The following VASP variants were observed in gnomAD, a reference collection of about 807,000 sequenced individuals.
VASP encodes the protein vasodilator-stimulated phosphoprotein.
VASP carries 27 observed loss-of-function variants against 54.4 expected under a neutral mutation model. That is an observed-to-expected ratio of 0.50 (90% confidence interval 0.37 to 0.68). VASP has a LOEUF of 0.68. VASP is among the 30% of genes least tolerant of loss of function. The probability of loss-of-function intolerance (pLI) is 0.00; values close to 1 mark genes in which losing one functional copy is unlikely to be tolerated. For synonymous variants in VASP, 233 were observed against 209.8 expected (o/e 1.11, Z -0.96); for missense variants, 488 against 528.3 (o/e 0.92, Z 0.75).
chr19:45,515,866 A>G (rs1228047512), intron 1 of VASP, among the ~76,000 whole-genome samples: 1 of 152,014 alleles, frequency 6.6e-6, no homozygotes, highest in African/African-American at 2.4e-5. Context: ...GCCCAGATTC[A>G]TGTGCCCCTC....
chr19:45,524,716 G>C, intron 11 of VASP, 56 bp downstream of exon 11: 1 of 1,527,822 alleles, frequency 6.5e-7, no homozygotes, highest in Non-Finnish European at 9.0e-7. Flanking sequence ...TCTGGCCCCT[G>C]CCACTGGCAT....
At chr19:45,521,023 G>C (rs1968818932) in intron 3 of VASP, among the ~76,000 whole-genome samples, 1 of 152,210 alleles carries the variant, frequency 6.6e-6, no homozygotes, top group African/African-American at 2.4e-5. Context: ...TTCAAGTCTT[G>C]TTCCTGCACA....
chr19:45,510,540 G>A (rs760491347), intron 1 of VASP, among the ~76,000 whole-genome samples: 1 of 151,986 alleles, frequency 6.6e-6, no homozygotes, highest in African/African-American at 2.4e-5. Flanking sequence ...ATGGCAGTTC[G>A]AACAATGATA....
chr19:45,520,456 C>T (rs1310415438), intron 3 of VASP, among the ~76,000 whole-genome samples: 1 of 152,224 alleles, frequency 6.6e-6, no homozygotes, highest in African/African-American at 2.4e-5. Flanking sequence ...GGGACAACTT[C>T]TGTGCTAGTG....
chr19:45,522,902 GT>G, intron 7 of VASP, 84 bp downstream of exon 7: 3 of 1,371,968 alleles, frequency 2.2e-6, no homozygotes, highest in African/African-American at 1.5e-5. Context: ...TTCCTGTTTA[GT>G]TTGTTTCTTT....
chr19:45,517,592 C>T, intron 1 of VASP, 71 bp from the exon 2 acceptor site: 2 of 1,551,540 alleles, frequency 1.3e-6, no homozygotes, highest in South Asian at 1.2e-5. Flanking sequence ...TGTCTTTGTC[C>T]CTTGGAATCT....
At position 45,524,929 on chromosome 19, in the gene VASP, T is replaced by TG. The variant is rs1278474747; in HGVS notation, c.1047+271dup. 10 of 361,560 alleles carry TG rather than the reference T, an allele frequency of 2.8e-5. No homozygotes were observed. The East Asian group carries it at 5.9e-4, about 21-fold the overall frequency. 22.4% of individuals were successfully genotyped at this position (361,560 alleles called of 1,614,324 possible). Reference sequence around the variant, plus strand: ...ATTGACCCAGCTGTCCATCACCAATTGGAGTTGGCAGGAGGCTGGAATGCG... The same window carrying TG: ...ATTGACCCAGCTGTCCATCACCAATTGGGAGTTGGCAGGAGGCTGGAATGCG... On this transcript the variant is annotated intron_variant, in intron 11 of 12. Coordinates refer to ENST00000245932, the MANE Select transcript of VASP (RefSeq NM_003370.4).
At chr19:45,512,268 C>T (rs1034515611) in intron 1 of VASP, among the ~76,000 whole-genome samples, 4 of 151,488 alleles carry the variant, frequency 2.6e-5, no homozygotes, top group Non-Finnish European at 2.9e-5. Context: ...ACTCTGAGTG[C>T]AGATATATTT....
At chr19:45,525,448 C>T (rs139843387) in intron 11 of VASP, among the ~76,000 whole-genome samples, 5 of 152,210 alleles carry the variant, frequency 3.3e-5, no homozygotes, top group African/African-American at 1.2e-4. Context: ...GCCATAATCC[C>T]AGCAGTTTGG....
chr19:45,518,454 C>T (rs1431381175), intron 3 of VASP, among the ~76,000 whole-genome samples: 3 of 151,982 alleles, frequency 2.0e-5, no homozygotes, highest in South Asian at 2.1e-4. Context: ...CCCAGCTATT[C>T]GGGATGCTGA....
At chr19:45,512,801 A>G (rs747012550) in intron 1 of VASP, among the ~76,000 whole-genome samples, 8 of 150,508 alleles carry the variant, frequency 5.3e-5, no homozygotes, top group Non-Finnish European at 1.0e-4. Flanking sequence ...GGGTTTCGCT[A>G]TGTTGCCCAG....
At position 45,526,167 on chromosome 19, in the gene VASP, G is replaced by C. The variant is rs199933144; in HGVS notation, c.1133G>C (p.Gly378Ala). Residue 378 changes from glycine to alanine, a missense_variant, in exon 13 of 13, where the codon GGT becomes GCT. Gly to Ala is a moderately conservative substitution (Grantham distance 60). Transcript: ENST00000245932. ...EAFVQELRKR[G>A]SP ...TTCGTCCAGGAGCTGAGGAAGCGGG[G>C]TTCTCCCTGACCACAGGGACCCAGA... 6.2e-7 allele frequency: 1 copy of C among 1,612,808 alleles called. No homozygotes were observed. Among genetic ancestry groups the C allele is most frequent in the African/African-American group, 1.3e-5 (1 of 74,924 alleles).
chr19:45,507,728 G>A lies in VASP; in HGVS notation c.-44G>A. 2.0e-6 allele frequency: 3 copies of A among 1,513,650 alleles called. No individual in the cohort carries two copies. The highest frequency in any genetic ancestry group is 2.6e-6 in the Non-Finnish European group (3 of 1,137,938). 93.8% of individuals were successfully genotyped at this position (1,513,650 alleles called of 1,614,324 possible). The stretch of plus-strand genomic sequence containing the variant: ...TGAACCTCCAGCCAGGGGCGCCCCG[G>A]GAGCAGCCAGCCCGTGGGCGAGCCG... On this transcript the variant is annotated 5_prime_UTR_variant, in exon 1 of 13. Coordinates refer to ENST00000245932, the MANE Select transcript of VASP (RefSeq NM_003370.4). This position sits in a 1 kb window ranked among gnomAD's most constrained non-coding sequence, Gnocchi z 4.4.
In VASP at chr19:45,526,307, A is replaced by C; in HGVS notation, c.*130A>C. The C allele has an allele frequency of 2.6e-6, 3 of 1,142,670 alleles. No individual in the cohort carries two copies. Among genetic ancestry groups the C allele is most frequent in the Non-Finnish European group, 3.6e-6 (3 of 838,152 alleles). The allele number at this position is 1,142,670 out of a possible 1,614,324, so 70.8% of individuals were successfully genotyped here. On this transcript the variant is annotated 3_prime_UTR_variant, in exon 13 of 13. Coordinates refer to ENST00000245932, the MANE Select transcript of VASP (RefSeq NM_003370.4). ...ATGCATCGTTCCCACTCCCCATCCCACTTGGAAAACTCCAAGGGGGTGTGG... is the reference window on the plus strand; with the variant it reads ...ATGCATCGTTCCCACTCCCCATCCCCCTTGGAAAACTCCAAGGGGGTGTGG...
Position 45,524,559 on chromosome 19 carries a change from A to T in VASP, c.957-11A>T. On this transcript the variant is annotated splice_polypyrimidine_tract_variant and intron_variant, in intron 10 of 12. Coordinates refer to ENST00000245932, the MANE Select transcript of VASP (RefSeq NM_003370.4). ...TCTCATTGCTGTCCCAAACCACACC[A>T]ACTCCCCCAGGATGAAGTCGTCTTC... is the stretch of plus-strand genomic sequence containing the variant. 1 of 1,613,478 alleles carries T rather than the reference A, an allele frequency of 6.2e-7. No homozygotes were observed.
rs1199019749 is a variant in VASP at position 45,522,579 on chromosome 19, A to AAGGTGAGGGGCCGGGAGAGGT, written c.719_720+19dup. 6.8e-7 allele frequency: 1 copy of AAGGTGAGGGGCCGGGAGAGGT among 1,470,050 alleles called. No individual in the cohort carries two copies. Among genetic ancestry groups the AAGGTGAGGGGCCGGGAGAGGT allele is most frequent in the Non-Finnish European group, 9.0e-7 (1 of 1,117,180 alleles). 91.1% of individuals were successfully genotyped at this position (1,470,050 alleles called of 1,614,324 possible). The stretch of plus-strand genomic sequence containing the variant: ...TGGAGCCAAACTCAGGAAAGTCAGC[A>AAGGTGAGGGGCCGGGAGAGGT]AGGTGAGGGGCCGGGAGAGGTGGGC... On this transcript the variant is annotated stop_gained and inframe_insertion and splice_region_variant, in exon 6 of 13. Transcript: ENST00000245932. LOFTEE classifies it high-confidence loss of function.
At chr19:45,513,313 A>T (rs57063919) in intron 1 of VASP, among the ~76,000 whole-genome samples, 57,242 of 151,528 alleles carry the variant, frequency 0.38, 11,894 homozygotes, top group African/African-American at 0.54. Flanking sequence ...GACCTGAACA[A>T]GGCTCACTGC....
intron 3 of VASP, among the ~76,000 whole-genome samples, chr19:45,519,588 CCCAGT>C (rs1484267437): frequency 6.7e-6 from 1 of 149,712 alleles, no homozygotes; most frequent in Non-Finnish European, 1.5e-5. Flanking sequence ...CTACACCCAG[CCCAGT>C]TGCTTTTTTT....
chr19:45,520,388 G>A (rs1165646749), intron 3 of VASP, among the ~76,000 whole-genome samples: 1 of 152,170 alleles, frequency 6.6e-6, no homozygotes, highest in Admixed American at 6.6e-5. Flanking sequence ...CCGTGCATCT[G>A]GCCTGGAATC....
Sources: gnomAD v4.1 joint callset for allele counts (sites outside exome capture counted in the v4.1 genomes callset) on GRCh38, gnomAD v4.1.1 for gene constraint, Gnocchi (gnomAD v3.1) non-coding constraint, MANE v1.5 for transcripts, NCBI Gene and HGNC (gene_info 2026-07-23, HGNC 2026-07-21) for gene names.